The following BAIAP2L2 variants were observed in gnomAD, a reference collection of about 807,000 sequenced individuals.
The protein encoded by BAIAP2L2 is BAR/IMD domain-containing adapter protein 2-like 2.
Under a neutral mutation model 60.4 loss-of-function variants are expected in BAIAP2L2, and 65 were observed. The ratio of observed to expected loss-of-function variants is 1.08; its 90% confidence interval spans 0.88 to 1.32. BAIAP2L2 has a LOEUF of 1.32. Ranked by LOEUF, BAIAP2L2 falls within the 40% of genes most tolerant of loss-of-function variation. The pLI, the probability that BAIAP2L2 is intolerant of heterozygous loss-of-function variation, is 0.00. For synonymous variants in BAIAP2L2, 344 were observed against 301.7 expected, an observed-to-expected ratio of 1.14 and a Z score of -1.45; for missense variants, 836 against 741.2, an observed-to-expected ratio of 1.13 and a Z score of -1.48.
At chr22:38,089,398 C>T (rs1471594612) in intron 8 of BAIAP2L2, 124 bp downstream of exon 8, 7 of 607,398 alleles carry the variant, frequency 1.2e-5, no homozygotes, top group African/African-American at 6.0e-5. Flanking sequence ...AAGGGCAGGC[C>T]GGGGGATGCA....
At chr22:38,105,343 T>TTG (rs202202053) in intron 4 of BAIAP2L2, among the ~76,000 whole-genome samples, 61,748 of 134,792 alleles carry the variant, frequency 0.46, 14,714 homozygotes, top group South Asian at 0.63. Context: ...TCTTTTCTTT[T>TTG]TTTTTTTTTT....
At chr22:38,110,387 C>G in intron 1 of BAIAP2L2, 88 bp downstream of exon 1, 2 of 1,349,330 alleles carry the variant, frequency 1.5e-6, no homozygotes, top group Non-Finnish European at 2.1e-6. Context: ...TCTGTAGCCC[C>G]GGCTGGCCCT....
chr22:38,098,020 CACCCGCCCTTCCTGGCCCA>C, intron 6 of BAIAP2L2, 24 bp downstream of exon 6: 1 of 817,898 alleles, frequency 1.2e-6, no homozygotes, highest in Non-Finnish European at 2.0e-6. Context: ...GAGGTCTGCC[CACCCGCCCTTCCTGGCCCA>C]CCCCCGCTTC....
chr22:38,098,027 CCTTCCTGGCCCACCCCCG>C lies in BAIAP2L2; in HGVS notation c.465+18_465+35del. On this transcript the variant is annotated intron_variant, in intron 6 of 13. Coordinates refer to ENST00000381669, the MANE Select transcript of BAIAP2L2 (RefSeq NM_025045.6). ...CTCGCCCCGAGGTCTGCCCACCCGC[CCTTCCTGGCCCACCCCCG>C]CTTCCCGGCCCTCGCACCTTCATCT... 1 of 1,154,674 alleles carries C rather than the reference CCTTCCTGGCCCACCCCCG, an allele frequency of 8.7e-7. No homozygotes were observed. The highest frequency in any genetic ancestry group is 1.3e-6 in the Non-Finnish European group (1 of 774,156). The allele number at this position is 1,154,674 out of a possible 1,614,324, so 71.5% of individuals were successfully genotyped here. A position where few individuals can be genotyped will look rare whatever the true frequency, so the allele number is the denominator to read the frequency against.
intron 7 of BAIAP2L2, among the ~76,000 whole-genome samples, chr22:38,092,431 C>T (rs1429579754): frequency 6.6e-6 from 1 of 152,092 alleles, no homozygotes; most frequent in Non-Finnish European, 1.5e-5. Flanking sequence ...CATCCGCCAC[C>T]ATTCCTGACT....
At chr22:38,110,411 C>G (rs1326503315) in intron 1 of BAIAP2L2, 64 bp downstream of exon 1, 1 of 1,510,594 alleles carries the variant, frequency 6.6e-7, no homozygotes, top group Non-Finnish European at 9.1e-7. Context: ...TCCTCCAGAG[C>G]GGGCCTGATT....
At chr22:38,085,774 G>A (rs377195672) in intron 12 of BAIAP2L2, 42 bp from the exon 13 acceptor site, 6 of 1,525,680 alleles carry the variant, frequency 3.9e-6, no homozygotes, top group Admixed American at 1.9e-5. Flanking sequence ...TGGGGAGAGG[G>A]GCAAGCAATC....
intron 4 of BAIAP2L2, among the ~76,000 whole-genome samples, chr22:38,102,329 A>C (rs1345576528): frequency 6.6e-6 from 1 of 152,138 alleles, no homozygotes; most frequent in Non-Finnish European, 1.5e-5. Flanking sequence ...AGGAAAGAGA[A>C]AGTCTAACAA....
chr22:38,088,873 G>A lies in BAIAP2L2; in HGVS notation c.993C>T (p.Ala331=). ...GGGGGARRVR[A]LVSHSEGANH... is the part of the protein sequence containing the mutation. ...TGGCGCCCTCCGAGTGGGAGACCAG[G>A]GCGCGGACTCTCCTGGCGCCCCCGC... is the stretch of plus-strand genomic sequence containing the variant. The change falls in exon 10 of 14, where the codon GCC becomes GCT. Residue 331 remains alanine (A), a synonymous_variant. Transcript: ENST00000381669. The A allele has an allele frequency of 6.3e-7, 1 of 1,592,076 alleles. No homozygotes were observed. Among genetic ancestry groups the A allele is most frequent in the Non-Finnish European group, 8.5e-7 (1 of 1,176,804 alleles).
At chr22:38,108,714 G>A (rs1467668653) in intron 2 of BAIAP2L2, among the ~76,000 whole-genome samples, 2 of 152,082 alleles carry the variant, frequency 1.3e-5, no homozygotes, top group South Asian at 2.1e-4. Context: ...GTGGGTGGTG[G>A]CCAGTTGAAG....
At chr22:38,087,047 T>G in intron 11 of BAIAP2L2, 77 bp downstream of exon 11, 1 of 1,427,688 alleles carries the variant, frequency 7.0e-7, no homozygotes, top group Non-Finnish European at 9.2e-7. Context: ...AGCCTGCACC[T>G]TGCAGATCCT....
rs1336268486 is a variant in BAIAP2L2 at position 38,089,125 on chromosome 22, C to T, written c.872G>A (p.Arg291His). 10 of 1,365,582 alleles carry T rather than the reference C, an allele frequency of 7.3e-6. No individual in the cohort carries two copies. The highest frequency in any genetic ancestry group is 7.8e-5 in the Admixed American group (2 of 25,664). 84.6% of individuals were successfully genotyped at this position (1,365,582 alleles called of 1,614,324 possible). ...CGACGGCGTGCGGGGCAGGGAGCGA[C>T]GGTCTGGCTCTAGCTGGGACGCGGG... ...ARPASQLEPD[R>H]RSLPRTPSAS... Residue 291 changes from arginine (R) to histidine (H), a missense_variant, in exon 9 of 14, where the codon CGT becomes CAT. By Grantham distance (29) the Arg-to-His change is conservative (BLOSUM62 0). Transcript: ENST00000381669.
Position 38,110,602 on chromosome 22 carries a change from C to A in BAIAP2L2, c.-77G>T. On this transcript the variant is annotated 5_prime_UTR_variant, in exon 1 of 14. Transcript: ENST00000381669. ...ACAGCCGGGAGCAGTGGTAGGTAGT[C>A]CCTCAGGTGCCCACGACTCAGCTGG... The A allele has an allele frequency of 8.1e-7, 1 of 1,234,586 alleles. No homozygotes were observed. Among genetic ancestry groups the A allele is most frequent in the South Asian group, 1.5e-5 (1 of 68,470 alleles). 76.5% of individuals were successfully genotyped at this position (1,234,586 alleles called of 1,614,324 possible).
At chr22:38,105,277 T>A (rs147693745) in intron 4 of BAIAP2L2, among the ~76,000 whole-genome samples, 1 of 151,926 alleles carries the variant, frequency 6.6e-6, no homozygotes, top group African/African-American at 2.4e-5. Flanking sequence ...TCTGTCCAGA[T>A]TGCCCTTCCC....
intron 6 of BAIAP2L2, 102 bp downstream of exon 6, chr22:38,097,961 G>A: frequency 6.4e-6 from 7 of 1,095,030 alleles, no homozygotes; most frequent in Non-Finnish European, 9.5e-6. Flanking sequence ...GGTGCTCGGT[G>A]GGGGAGCTCA....
Position 38,086,249 on chromosome 22 carries a change from T to G in BAIAP2L2, c.1460A>C (p.Asp487Ala), listed in dbSNP as rs1412707566. Reference sequence around the variant, plus strand: ...GGGCGGGCAAGGGCTCACCTTGACGTCAGTGGCAACTGCTGTGCTGCCCAT... The same window carrying G: ...GGGCGGGCAAGGGCTCACCTTGACGGCAGTGGCAACTGCTGTGCTGCCCAT... ...SSMGSTAVAT[D>A]VKKLMSSEQY... Residue 487 changes from aspartate to alanine, a missense_variant, in exon 12 of 14, where the codon GAC becomes GCC. Coordinates refer to ENST00000381669, the MANE Select transcript of BAIAP2L2 (RefSeq NM_025045.6). 1 of 1,611,184 alleles carries G rather than the reference T, an allele frequency of 6.2e-7. No individual in the cohort carries two copies. The highest frequency in any genetic ancestry group is 8.5e-7 in the Non-Finnish European group (1 of 1,179,642).
chr22:38,109,026 G>A, intron 2 of BAIAP2L2, 107 bp downstream of exon 2: 2 of 974,490 alleles, frequency 2.1e-6, no homozygotes, highest in Middle Eastern at 3.1e-4. Flanking sequence ...GAGGGTGTAG[G>A]GTTGAGGATG....
At chr22:38,094,067 T>G in intron 7 of BAIAP2L2, 1 of 453,198 alleles carries the variant, frequency 2.2e-6, no homozygotes, top group Non-Finnish European at 4.5e-6. Flanking sequence ...AGCACACACA[T>G]TGTATGATTC....
At chr22:38,099,550 GAA>G (rs1049457082) in intron 4 of BAIAP2L2, among the ~76,000 whole-genome samples, 14 of 151,750 alleles carry the variant, frequency 9.2e-5, no homozygotes, top group African/African-American at 3.4e-4. Context: ...AAAAAAAAAA[GAA>G]AAAGGAAAGG....
Sources: allele counts gnomAD v4.1 joint callset (sites outside exome capture counted in the v4.1 genomes callset), GRCh38; gene constraint gnomAD v4.1.1; transcripts MANE v1.5; gene names NCBI Gene and HGNC (gene_info 2026-07-23, HGNC 2026-07-21).